Variants in NSL1 observed in about 807,000 individuals in gnomAD.
The protein encoded by NSL1 is NSL1 component of MIS12 kinetochore complex.
Under a neutral mutation model 25.4 loss-of-function variants are expected in NSL1, and 11 were observed. The ratio of observed to expected loss-of-function variants is 0.43; its 90% confidence interval spans 0.27 to 0.72. The LOEUF is 0.72. NSL1 is among the 30% of genes least tolerant of loss of function. NSL1 has a pLI of 0.19. For missense variants in NSL1, 330 were observed against 342.7 expected, an observed-to-expected ratio of 0.96 and a Z score of 0.29; for synonymous variants, 118 against 120.6, an observed-to-expected ratio of 0.98 and a Z score of 0.14.
intron 4 of NSL1, among the ~76,000 whole-genome samples, chr1:212,755,684 T>G (rs976793191): frequency 1.3e-5 from 2 of 151,862 alleles, no homozygotes; most frequent in African/African-American, 4.8e-5. Context: ...GTTGCCTATT[T>G]GAAGATGTGT....
Position 212,736,093 on chromosome 1 carries a change from A to G in NSL1, c.*2315T>C, listed in dbSNP as rs1352632307. 1 of 961,052 alleles carries G rather than the reference A, an allele frequency of 1.0e-6. No homozygotes were observed. The highest frequency in any genetic ancestry group is 1.8e-5 in the African/African-American group (1 of 56,732). The allele number at this position is 961,052 out of a possible 1,614,324, so 59.5% of individuals were successfully genotyped here. On this transcript the variant is annotated 3_prime_UTR_variant, in exon 6 of 6. Coordinates refer to ENST00000366977, the MANE Select transcript of NSL1 (RefSeq NM_015471.4). ...CACTCTGTCACCCAGGCTGGAGTAC[A>G]GTGGTGCCATCCTGGCTCACTGCAA...
Position 212,728,932 on chromosome 1 carries a change from G to A in NSL1, c.*9476C>T, listed in dbSNP as rs1657895504. 1.0e-6 allele frequency: 1 copy of A among 985,260 alleles called. No individual in the cohort carries two copies. The highest frequency in any genetic ancestry group is 1.1e-4 in the East Asian group (1 of 8,826). 61.0% of individuals were successfully genotyped at this position (985,260 alleles called of 1,614,324 possible). On this transcript the variant is annotated 3_prime_UTR_variant, in exon 6 of 6. Transcript: ENST00000366977. ...AAGAGCAGTGTTTATTTGTGTGTTT[G>A]AACGTTTGTTCCCTTTGAATATGAA...
At chr1:212,766,547 A>C (rs1355047335) in intron 4 of NSL1, among the ~76,000 whole-genome samples, 1 of 151,302 alleles carries the variant, frequency 6.6e-6, no homozygotes, top group Non-Finnish European at 1.5e-5. Flanking sequence ...TGGGAGGCTG[A>C]GGCAGGAGAA....
Position 212,727,503 on chromosome 1 carries a change from G to A in NSL1, c.*10905C>T, listed in dbSNP as rs1657837255. The A allele has an allele frequency of 1.0e-6, 1 of 985,258 alleles. No homozygotes were observed. Among genetic ancestry groups the A allele is most frequent in the African/African-American group, 1.7e-5 (1 of 57,224 alleles). 61.0% of individuals were successfully genotyped at this position (985,258 alleles called of 1,614,324 possible). A position where few individuals can be genotyped will look rare whatever the true frequency, so the allele number is the denominator to read the frequency against. On this transcript the variant is annotated 3_prime_UTR_variant, in exon 6 of 6. Coordinates refer to ENST00000366977, the MANE Select transcript of NSL1 (RefSeq NM_015471.4). ...TAAAACGATTCCTTTTGCAATTTAGGTTAATATCATAACTATACCACTGGA... is the reference window on the plus strand; with the variant it reads ...TAAAACGATTCCTTTTGCAATTTAGATTAATATCATAACTATACCACTGGA...
chr1:212,750,126 T>C (rs1658997233), intron 4 of NSL1, among the ~76,000 whole-genome samples: 1 of 151,930 alleles, frequency 6.6e-6, no homozygotes, highest in African/African-American at 2.4e-5. Context: ...ATCCCTAATG[T>C]TGAACAGAGT....
At chr1:212,789,948 G>GT (rs767082148) in intron 1 of NSL1, among the ~76,000 whole-genome samples, 11 of 152,114 alleles carry the variant, frequency 7.2e-5, no homozygotes, top group Non-Finnish European at 1.3e-4. Flanking sequence ...AGGGAATGAC[G>GT]TAAGAGTCAC....
At chr1:212,782,196 G>T in intron 4 of NSL1, 176 bp downstream of exon 4, 1 of 698,098 alleles carries the variant, frequency 1.4e-6, no homozygotes, top group African/African-American at 1.8e-5. Flanking sequence ...CTGAGTCAAT[G>T]GGTGTAAAGC....
intron 2 of NSL1, among the ~76,000 whole-genome samples, chr1:212,785,575 G>C (rs1454010660): frequency 6.6e-6 from 1 of 152,000 alleles, no homozygotes; most frequent in Non-Finnish European, 1.5e-5. Context: ...CCACCTATGA[G>C]TGAGAACATG....
chr1:212,783,075 G>A (rs1309888793), intron 3 of NSL1, among the ~76,000 whole-genome samples: 1 of 152,200 alleles, frequency 6.6e-6, no homozygotes, highest in East Asian at 1.9e-4. Flanking sequence ...GGGAGGCCCA[G>A]GCAGGAGAAT....
chr1:212,784,980 A>G (rs1052235811), intron 2 of NSL1, among the ~76,000 whole-genome samples: 5 of 152,250 alleles, frequency 3.3e-5, no homozygotes, highest in Non-Finnish European at 7.3e-5. Flanking sequence ...CAGTGGAAAC[A>G]GTATTTGCAA....
rs972366033 is a variant in NSL1 at position 212,733,982 on chromosome 1, A to G, written c.*4426T>C. Among the ~76,000 whole-genome samples, 1 of 152,024 alleles carries G rather than the reference A, an allele frequency of 6.6e-6. No individual in the cohort carries two copies. The highest frequency in any genetic ancestry group is 1.9e-4 in the East Asian group (1 of 5,204). On this transcript the variant is annotated 3_prime_UTR_variant, in exon 6 of 6. Coordinates refer to ENST00000366977, the MANE Select transcript of NSL1 (RefSeq NM_015471.4). ...TACTTTTCTAATTTGCCATTTCTTA[A>G]TCTTTCTGTTTTATTTTTGGGAAAA...
rs975942831 is a variant in NSL1, at chr1:212,727,815, A to G, written c.*10593T>C. 7.1e-6 allele frequency: 7 copies of G among 983,622 alleles called. No individual in the cohort carries two copies. The South Asian group carries it at 3.3e-4, about 46-fold the overall frequency. 60.9% of individuals were successfully genotyped at this position (983,622 alleles called of 1,614,324 possible). On this transcript the variant is annotated 3_prime_UTR_variant, in exon 6 of 6. Coordinates refer to ENST00000366977, the MANE Select transcript of NSL1 (RefSeq NM_015471.4). The stretch of plus-strand genomic sequence containing the variant: ...TTTGAGCACTTTCTTAGACACTAGT[A>G]TTACATAGTAATATTCACTATTCGT...
Position 212,737,803 on chromosome 1 carries a change from A to G in NSL1, c.*605T>C, listed in dbSNP as rs1367782717. On this transcript the variant is annotated 3_prime_UTR_variant, in exon 6 of 6. Transcript: ENST00000366977. ...TTTCAAAGAGTAATGTTGCACAAATAATAGTTATCATTGTCTTACACAACA... is the reference window on the plus strand; with the variant it reads ...TTTCAAAGAGTAATGTTGCACAAATGATAGTTATCATTGTCTTACACAACA... 1.0e-6 allele frequency: 1 copy of G among 985,434 alleles called. No individual in the cohort carries two copies. Among genetic ancestry groups the G allele is most frequent in the Non-Finnish European group, 1.2e-6 (1 of 829,904 alleles). The allele number at this position is 985,434 out of a possible 1,614,324, so 61.0% of individuals were successfully genotyped here. A position where few individuals can be genotyped will look rare whatever the true frequency, so the allele number is the denominator to read the frequency against.
intron 4 of NSL1, among the ~76,000 whole-genome samples, chr1:212,761,589 G>C (rs1035760452): frequency 1.3e-5 from 2 of 151,954 alleles, no homozygotes; most frequent in African/African-American, 4.8e-5. Context: ...AGCTGTGACT[G>C]TGCCACTGCA....
chr1:212,768,378 C>T (rs1659936783), intron 4 of NSL1, among the ~76,000 whole-genome samples: 1 of 150,954 alleles, frequency 6.6e-6, no homozygotes, highest in Admixed American at 6.6e-5. Flanking sequence ...TCCAGCAATC[C>T]CACCACTAGA....
chr1:212,783,359 T>TG (rs1660806699), intron 3 of NSL1, among the ~76,000 whole-genome samples: 1 of 151,832 alleles, frequency 6.6e-6, no homozygotes, highest in African/African-American at 2.4e-5. Flanking sequence ...ATGTTTTTCC[T>TG]GAAAAAAACT....
At chr1:212,775,884 GTGGCGC>G (rs1660341658) in intron 4 of NSL1, among the ~76,000 whole-genome samples, 1 of 151,966 alleles carries the variant, frequency 6.6e-6, no homozygotes, top group South Asian at 2.1e-4. Context: ...CTGGAGTGCA[GTGGCGC>G]GATCTCGGCT....
Position 212,736,703 on chromosome 1 carries a change from A to G in NSL1, c.*1705T>C. 1 of 984,398 alleles carries G rather than the reference A, an allele frequency of 1.0e-6. No individual in the cohort carries two copies. The highest frequency in any genetic ancestry group is 1.2e-6 in the Non-Finnish European group (1 of 828,966). 61.0% of individuals were successfully genotyped at this position (984,398 alleles called of 1,614,324 possible). A position where few individuals can be genotyped will look rare whatever the true frequency, so the allele number is the denominator to read the frequency against. On this transcript the variant is annotated 3_prime_UTR_variant, in exon 6 of 6. Transcript: ENST00000366977. ...GACTTTAAAATATAACCATTTTTTA[A>G]AAACTTATAAAAATTTCCAACACAA...
rs1429352696 is a variant in NSL1, at chr1:212,727,578, TTA to T, written c.*10828_*10829del. 1.0e-6 allele frequency: 1 copy of T among 985,374 alleles called. No homozygotes were observed. The highest frequency in any genetic ancestry group is 1.2e-6 in the Non-Finnish European group (1 of 829,902). 61.0% of individuals were successfully genotyped at this position (985,374 alleles called of 1,614,324 possible). A position where few individuals can be genotyped will look rare whatever the true frequency, so the allele number is the denominator to read the frequency against. On this transcript the variant is annotated 3_prime_UTR_variant, in exon 6 of 6. Transcript: ENST00000366977. The stretch of plus-strand genomic sequence containing the variant: ...GTGCCACATACTTCTCTCAAAAACT[TTA>T]TGACTCAGTTGTCTGGAAGTTGTTT...
Sources: allele counts gnomAD v4.1 joint callset (sites outside exome capture counted in the v4.1 genomes callset), GRCh38; gene constraint gnomAD v4.1.1; transcripts MANE v1.5; gene names NCBI Gene and HGNC (gene_info 2026-07-23, HGNC 2026-07-21).